The following UNK variants were observed in gnomAD, a reference collection of about 807,000 sequenced individuals.
UNK encodes the protein RING finger protein unkempt homolog.
UNK carries 32 observed loss-of-function variants against 97.6 expected under a neutral mutation model. That is an observed-to-expected ratio of 0.33 (90% CI 0.25 to 0.44). UNK has a LOEUF of 0.44. Among genes scored for constraint, UNK ranks in the 20% least tolerant of loss-of-function variants. The pLI is 1.00. For missense variants in UNK, 771 were observed against 1,098.4 expected, an observed-to-expected ratio of 0.70 and a Z score of 4.21; for synonymous variants, 441 against 461.2, an observed-to-expected ratio of 0.96 and a Z score of 0.56.
At chr17:75,801,244 C>T (rs1416295909) in intron 1 of UNK, among the ~76,000 whole-genome samples, 1 of 152,086 alleles carries the variant, frequency 6.6e-6, no homozygotes, top group African/African-American at 2.4e-5. Context: ...CAGTGCATAC[C>T]TCTTATGTCA....
chr17:75,811,123 G>C (rs2061965359), intron 2 of UNK, among the ~76,000 whole-genome samples: 1 of 151,772 alleles, frequency 6.6e-6, no homozygotes, highest in Non-Finnish European at 1.5e-5. Context: ...CTAATTTTTT[G>C]TATTTTTAGT....
chr17:75,802,478 A>C (rs975584770), intron 1 of UNK, among the ~76,000 whole-genome samples: 2 of 150,938 alleles, frequency 1.3e-5, no homozygotes, highest in South Asian at 2.1e-4. Context: ...TTGCCCTCAA[A>C]CTCCTAGGCT....
chr17:75,801,538 T>C lies in UNK; in HGVS notation c.105-8222T>C, dbSNP rs148674507. 4.7e-3 allele frequency among the ~76,000 whole-genome samples: 720 copies of C among 151,978 alleles called. 5 individuals are homozygous for C. The highest frequency in any genetic ancestry group is 0.016 in the African/African-American group (659 of 41,462). ...CTCTTTATTTAAATAAAGAAGGAAA[T>C]ATTCCTTTAAAATTTATTTTTCCTT... On this transcript the variant is annotated intron_variant, in intron 1 of 15. Transcript: ENST00000589666.
intron 1 of UNK, among the ~76,000 whole-genome samples, chr17:75,789,846 G>C (rs971022098): frequency 1.4e-4 from 21 of 152,030 alleles, no homozygotes; most frequent in Non-Finnish European, 2.5e-4. Context: ...TTATACTATT[G>C]AAAGTGTATA....
chr17:75,824,174 A>G lies in UNK; in HGVS notation c.2278-88A>G, dbSNP rs1222258634. The G allele has an allele frequency of 2.8e-6, 4 of 1,411,152 alleles. No individual in the cohort carries two copies. Among genetic ancestry groups the G allele is most frequent in the African/African-American group, 3.0e-5 (2 of 67,128 alleles). 87.4% of individuals were successfully genotyped at this position (1,411,152 alleles called of 1,614,324 possible). A position where few individuals can be genotyped will look rare whatever the true frequency, so the allele number is the denominator to read the frequency against. On this transcript the variant is annotated intron_variant, in intron 15 of 15. Transcript: ENST00000589666. This position sits in a 1 kb window ranked among gnomAD's most constrained non-coding sequence, Gnocchi z 4.9. ...CTCGGTACCTCAGTTTTCCCATCCCAAGGGGCTGCAGTGAGGATCAAGGGA... is the reference window on the plus strand; with the variant it reads ...CTCGGTACCTCAGTTTTCCCATCCCGAGGGGCTGCAGTGAGGATCAAGGGA...
At chr17:75,791,794 C>T (rs1270003193) in intron 1 of UNK, 1 of 985,240 alleles carries the variant, frequency 1.0e-6, no homozygotes, top group Non-Finnish European at 1.2e-6. Flanking sequence ...TCCCCACAAC[C>T]CATATGCATC....
intron 13 of UNK, among the ~76,000 whole-genome samples, chr17:75,822,215 C>T (rs891225012): frequency 1.3e-5 from 2 of 152,232 alleles, no homozygotes; most frequent in Non-Finnish European, 2.9e-5. Context: ...GTGGGAGTCC[C>T]ATTTCCCACA....
chr17:75,815,764 T>C (rs962859016), intron 7 of UNK, among the ~76,000 whole-genome samples: 13 of 151,944 alleles, frequency 8.6e-5, no homozygotes, highest in African/African-American at 3.1e-4. Context: ...CACACGCCTG[T>C]AATCCCAACT....
At position 75,784,848 on chromosome 17, in the gene UNK, AGGGGAGCGGCG is replaced by A; in HGVS notation, c.-32_-22del. 6.3e-7 allele frequency: 1 copy of A among 1,598,534 alleles called. No individual in the cohort carries two copies. Among genetic ancestry groups the A allele is most frequent in the East Asian group, 2.2e-5 (1 of 44,686 alleles). On this transcript the variant is annotated 5_prime_UTR_variant, in exon 1 of 16. Coordinates refer to ENST00000589666, the MANE Select transcript of UNK (RefSeq NM_001080419.3). The stretch of plus-strand genomic sequence containing the variant: ...CGGACCGCGCAGACTGAATAATAAA[AGGGGAGCGGCG>A]AAGAGGCAGGAAGACAAGACCATGT...
chr17:75,789,493 T>A (rs2061743753), intron 1 of UNK, among the ~76,000 whole-genome samples: 1 of 152,036 alleles, frequency 6.6e-6, no homozygotes, highest in African/African-American at 2.4e-5. Flanking sequence ...CCCGCCACCA[T>A]GCCCAGCTAA....
At chr17:75,812,359 T>C (rs1049946686) in intron 3 of UNK, 71 bp downstream of exon 3, 1 of 1,580,138 alleles carries the variant, frequency 6.3e-7, no homozygotes, top group Admixed American at 1.8e-5. Context: ...CGGCTAATGA[T>C]GGTGAGTACC....
intron 1 of UNK, among the ~76,000 whole-genome samples, chr17:75,805,788 C>T (rs548274701): frequency 2.8e-4 from 42 of 148,218 alleles, no homozygotes; most frequent in Admixed American, 1.2e-3. Context: ...ACAGAGCGAG[C>T]CCCTGCCTTA....
chr17:75,822,765 A>G, intron 14 of UNK, 107 bp downstream of exon 14: 1 of 1,329,956 alleles, frequency 7.5e-7, no homozygotes, highest in East Asian at 2.7e-5. Context: ...GGGCTGGAAG[A>G]ACAGAGCAGA....
At chr17:75,811,943 G>A (rs1187527991) in intron 2 of UNK, among the ~76,000 whole-genome samples, 169 bp from the exon 3 acceptor site, 5 of 152,090 alleles carry the variant, frequency 3.3e-5, no homozygotes, top group African/African-American at 9.7e-5. Context: ...CCAAGATCGC[G>A]CCGCTGCACT....
chr17:75,791,710 T>C (rs2061765520), intron 1 of UNK: 2 of 982,378 alleles, frequency 2.0e-6, no homozygotes, highest in African/African-American at 1.7e-5. Context: ...TTATCTAAAT[T>C]ATTAAAGTCA....
intron 1 of UNK, among the ~76,000 whole-genome samples, chr17:75,803,066 C>T (rs973469720): frequency 2.2e-4 from 18 of 82,346 alleles, no homozygotes; most frequent in Non-Finnish European, 3.3e-4. Flanking sequence ...ATTGAGACCA[C>T]CCTGGCCAAC....
chr17:75,808,260 A>G (rs894836515), intron 1 of UNK, among the ~76,000 whole-genome samples: 2 of 152,220 alleles, frequency 1.3e-5, no homozygotes, highest in African/African-American at 4.8e-5. Context: ...TTGTCTAACC[A>G]GACAGTAAAG....
chr17:75,812,695 G>A, intron 4 of UNK, 110 bp downstream of exon 4: 2 of 1,449,626 alleles, frequency 1.4e-6, no homozygotes, highest in South Asian at 2.8e-5. Context: ...GCCCCGACCT[G>A]GCCCGCATCC....
At chr17:75,801,765 G>T (rs2061860930) in intron 1 of UNK, among the ~76,000 whole-genome samples, 1 of 151,494 alleles carries the variant, frequency 6.6e-6, no homozygotes, top group South Asian at 2.1e-4. Context: ...GGTTGGTCTT[G>T]AACTACTGAC....
Sources: allele counts gnomAD v4.1 joint callset (sites outside exome capture counted in the v4.1 genomes callset), GRCh38; gene constraint gnomAD v4.1.1; non-coding constraint Gnocchi (gnomAD v3.1); transcripts MANE v1.5; gene names NCBI Gene and HGNC (gene_info 2026-07-23, HGNC 2026-07-21).